HTR7: variants seen among roughly 807,000 people sequenced by gnomAD.
HTR7 encodes 5-hydroxytryptamine receptor 7.
HTR7 carries 16 observed loss-of-function variants against 34.0 expected under a neutral mutation model. The ratio of observed to expected loss-of-function variants is 0.47; its 90% CI spans 0.32 to 0.71. The LOEUF is 0.71. Ranked by LOEUF, HTR7 falls within the 30% of genes least tolerant of loss-of-function variation. The probability of loss-of-function intolerance (pLI) is 0.04; values close to 1 mark genes in which losing one functional copy is unlikely to be tolerated. For missense variants in HTR7, 504 were observed against 625.5 expected (o/e 0.81, Z 2.07); for synonymous variants, 265 against 260.2 (o/e 1.02, Z -0.18).
intron 1 of HTR7, among the ~76,000 whole-genome samples, chr10:90,853,271 GATTTC>G (rs1846526519): frequency 7.1e-6 from 1 of 139,930 alleles, no homozygotes; most frequent in African/African-American, 2.7e-5. Flanking sequence ...AAAGTAATTT[GATTTC>G]TTTTTTTTTT....
At chr10:90,836,732 A>G (rs1402602282) in intron 1 of HTR7, among the ~76,000 whole-genome samples, 1 of 149,374 alleles carries the variant, frequency 6.7e-6, no homozygotes, top group African/African-American at 2.5e-5. Flanking sequence ...CCAGTCTTGA[A>G]CTCCTGAGCT....
At chr10:90,744,333 G>T (rs1844602223) in intron 2 of HTR7, among the ~76,000 whole-genome samples, 1 of 150,802 alleles carries the variant, frequency 6.6e-6, no homozygotes, top group South Asian at 2.1e-4. Context: ...TACCATGCCT[G>T]GTTCCATGCT....
chr10:90,809,244 T>C (rs1035931231), intron 1 of HTR7, among the ~76,000 whole-genome samples: 3 of 152,194 alleles, frequency 2.0e-5, no homozygotes, highest in African/African-American at 7.2e-5. Flanking sequence ...GCCACCTGCC[T>C]AGCAATTTAC....
chr10:90,758,618 T>C (rs1366717362), intron 1 of HTR7, among the ~76,000 whole-genome samples: 2 of 152,230 alleles, frequency 1.3e-5, no homozygotes, highest in African/African-American at 4.8e-5. Context: ...AGTGATATAA[T>C]TTAGGACATT....
At chr10:90,748,096 C>T (rs1480434561) in intron 2 of HTR7, among the ~76,000 whole-genome samples, 1 of 152,188 alleles carries the variant, frequency 6.6e-6, no homozygotes, top group Admixed American at 6.5e-5. Context: ...TTGGTTCTCA[C>T]CTGCCAAGAT....
At chr10:90,750,526 T>C (rs1207294949) in intron 1 of HTR7, among the ~76,000 whole-genome samples, 1 of 152,184 alleles carries the variant, frequency 6.6e-6, no homozygotes, top group Admixed American at 6.5e-5. Flanking sequence ...AGAGTCTTTT[T>C]TGGAAAGCTA....
At position 90,857,453 on chromosome 10, in the gene HTR7, C is replaced by G. The variant is rs1179884815; in HGVS notation, c.219G>C (p.Gln73His). The stretch of plus-strand genomic sequence containing the variant: ...CTTTCTCGACTCTGCCGTAGTTGAT[C>G]TGTTCCCCACAGCCGGAGGCATTGT... ...PPDNASGCGEQINYGRVEKVV... is the reference protein window; with the variant it reads ...PPDNASGCGEHINYGRVEKVV... Residue 73 changes from glutamine to histidine, a missense_variant, in exon 1 of 4, where the codon CAG (glutamine) becomes CAC (histidine). By Grantham distance (24) the Gln-to-His change is conservative. This residue lies in a region of HTR7 where 139 missense variants were observed against 117.1 expected (regional missense o/e 1.19). Transcript: ENST00000336152. This position sits in a 1 kb window ranked among gnomAD's most constrained non-coding sequence, Gnocchi z 6.5. 3 of 1,613,982 alleles carry G rather than the reference C, an allele frequency of 1.9e-6. No homozygotes were observed. The Admixed American group carries it at 5.0e-5, about 27-fold the overall frequency.
intron 1 of HTR7, among the ~76,000 whole-genome samples, chr10:90,764,803 G>A (rs1254099014): frequency 1.3e-5 from 2 of 152,004 alleles, no homozygotes; most frequent in Admixed American, 6.6e-5. Context: ...TAACTAAAAG[G>A]ATGTTGAATT....
intron 1 of HTR7, among the ~76,000 whole-genome samples, chr10:90,763,601 T>C (rs925263439): frequency 2.6e-5 from 4 of 152,192 alleles, no homozygotes; most frequent in African/African-American, 9.7e-5. Flanking sequence ...TTTCTCCTAA[T>C]GCTCTCCCTC....
At chr10:90,805,462 T>G (rs961865807) in intron 1 of HTR7, among the ~76,000 whole-genome samples, 2 of 152,222 alleles carry the variant, frequency 1.3e-5, no homozygotes, top group African/African-American at 4.8e-5. Context: ...CTAGGAAGTT[T>G]AACTACAGGG....
At chr10:90,825,816 C>T (rs553499973) in intron 1 of HTR7, among the ~76,000 whole-genome samples, 1 of 151,442 alleles carries the variant, frequency 6.6e-6, no homozygotes, top group East Asian at 1.9e-4. Flanking sequence ...TCAGAGAAGA[C>T]AAAATGAAAA....
intron 1 of HTR7, among the ~76,000 whole-genome samples, chr10:90,790,398 T>C (rs1223954715): frequency 6.6e-6 from 1 of 152,224 alleles, no homozygotes; most frequent in Admixed American, 6.5e-5. Flanking sequence ...GGTCTTTTTC[T>C]GTTTTGATTT....
At chr10:90,856,702 G>A (rs972506332) in intron 1 of HTR7, among the ~76,000 whole-genome samples, 4 of 148,088 alleles carry the variant, frequency 2.7e-5, no homozygotes, top group African/African-American at 1.0e-4. Context: ...ACTGGCCTAG[G>A]GAGTAGCTCC....
At chr10:90,791,900 A>G (rs1242887340) in intron 1 of HTR7, among the ~76,000 whole-genome samples, 1 of 152,170 alleles carries the variant, frequency 6.6e-6, no homozygotes, top group Non-Finnish European at 1.5e-5. Flanking sequence ...TTTGGGATTT[A>G]CCTGGGAAAT....
chr10:90,746,793 C>G (rs1844644553), intron 2 of HTR7, among the ~76,000 whole-genome samples: 1 of 152,164 alleles, frequency 6.6e-6, no homozygotes, highest in Non-Finnish European at 1.5e-5. Flanking sequence ...CTTCAAATCA[C>G]CCAGCCCAAG....
At chr10:90,799,575 A>C (rs902373710) in intron 1 of HTR7, among the ~76,000 whole-genome samples, 1 of 152,138 alleles carries the variant, frequency 6.6e-6, no homozygotes, top group East Asian at 1.9e-4. Context: ...GACTCCCCGC[A>C]AATCATCTCC....
intron 1 of HTR7, among the ~76,000 whole-genome samples, chr10:90,792,599 T>G (rs2119886193): frequency 6.6e-6 from 1 of 152,210 alleles, no homozygotes; most frequent in Middle Eastern, 3.4e-3. Context: ...GACTTACCAT[T>G]TTTCAACTTT....
chr10:90,830,886 G>T (rs1219035368), intron 1 of HTR7, among the ~76,000 whole-genome samples: 2 of 151,832 alleles, frequency 1.3e-5, no homozygotes, highest in Non-Finnish European at 1.5e-5. Flanking sequence ...TCCAACTAAT[G>T]TTGTGCCACT....
At chr10:90,832,364 G>A (rs891017697) in intron 1 of HTR7, among the ~76,000 whole-genome samples, 7 of 152,220 alleles carry the variant, frequency 4.6e-5, no homozygotes, top group East Asian at 1.9e-4. Context: ...CTAGCACAGC[G>A]CAGGTGGGCC....
Sources: gnomAD v4.1 joint callset for allele counts (sites outside exome capture counted in the v4.1 genomes callset) on GRCh38, gnomAD v4.1.1 for gene constraint, gnomAD v4.1.1 regional missense constraint, Gnocchi (gnomAD v3.1) non-coding constraint, MANE v1.5 for transcripts, NCBI Gene and HGNC (gene_info 2026-07-23, HGNC 2026-07-21) for gene names.